Variants in ZBTB20 observed in about 807,000 individuals in gnomAD.
ZBTB20 encodes the protein zinc finger and BTB domain-containing protein 20.
A neutral mutation model predicts 56.9 loss-of-function variants in ZBTB20; 9 were observed. The observed-to-expected ratio is 0.16, with a 90% confidence interval of 0.10 to 0.28. ZBTB20 has a LOEUF of 0.28. Among genes scored for constraint, ZBTB20 ranks in the 10% least tolerant of loss-of-function variants. The pLI is 1.00. For synonymous variants in ZBTB20, 417 were observed against 420.7 expected, an observed-to-expected ratio of 0.99 and a Z score of 0.11; for missense variants, 655 against 1,003.0, an observed-to-expected ratio of 0.65 and a Z score of 4.69.
intron 4 of ZBTB20, among the ~76,000 whole-genome samples, chr3:114,876,996 C>T (rs577785993): frequency 6.6e-6 from 1 of 152,250 alleles, no homozygotes; most frequent in East Asian, 1.9e-4. Flanking sequence ...TTCATTTTTG[C>T]CCCAGAAATA....
chr3:114,852,647 T>C (rs1259532925), intron 4 of ZBTB20, among the ~76,000 whole-genome samples: 1 of 152,208 alleles, frequency 6.6e-6, no homozygotes, highest in Non-Finnish European at 1.5e-5. Context: ...CTTGTATAAT[T>C]CTTCTTGTGG....
chr3:114,580,623 T>C (rs2054549199), intron 6 of ZBTB20, among the ~76,000 whole-genome samples: 1 of 151,716 alleles, frequency 6.6e-6, no homozygotes, highest in African/African-American at 2.4e-5. Context: ...TTATTCAAAG[T>C]AGTAAGAGAG....
At chr3:114,991,652 A>G (rs2078815680) in intron 2 of ZBTB20, among the ~76,000 whole-genome samples, 1 of 151,918 alleles carries the variant, frequency 6.6e-6, no homozygotes, top group South Asian at 2.1e-4. Flanking sequence ...CAAATCCTGG[A>G]TATCCTTTTT....
chr3:114,526,261 T>C (rs1449632745), intron 6 of ZBTB20, among the ~76,000 whole-genome samples: 2 of 152,142 alleles, frequency 1.3e-5, no homozygotes, highest in Non-Finnish European at 2.9e-5. Flanking sequence ...ATATAAAATT[T>C]ATAATATTTA....
chr3:114,363,176 T>A (rs1297879554), intron 10 of ZBTB20, among the ~76,000 whole-genome samples: 1 of 152,064 alleles, frequency 6.6e-6, no homozygotes, highest in Non-Finnish European at 1.5e-5. Flanking sequence ...TAACCAAGAG[T>A]AACTTATTCA....
rs527914541 is a variant in ZBTB20, at chr3:114,358,027, T to A, written c.200-6149A>T. On this transcript the variant is annotated intron_variant, in intron 10 of 11. Coordinates refer to ENST00000675478, the MANE Select transcript of ZBTB20 (RefSeq NM_001348800.3). ...GCTAACTATTATTTAGCAAACTTTG[T>A]TTTACTCAGAGTAAGTCCCTTTTGA... is the stretch of plus-strand genomic sequence containing the variant. Among the ~76,000 whole-genome samples the A allele has an allele frequency of 3.3e-5, 5 of 152,228 alleles. No homozygotes were observed. In the South Asian group the frequency reaches 1.0e-3, roughly 32 times the overall value.
At chr3:114,930,884 C>T in intron 3 of ZBTB20, 1 of 245,240 alleles carries the variant, frequency 4.1e-6, no homozygotes, top group Non-Finnish European at 8.6e-6. Context: ...GTTACAGGCC[C>T]CTGTAGAGTC....
At chr3:114,908,154 T>C (rs1031630829) in intron 3 of ZBTB20, among the ~76,000 whole-genome samples, 2 of 151,896 alleles carry the variant, frequency 1.3e-5, no homozygotes, top group Admixed American at 1.3e-4. Flanking sequence ...TATAAAGGTA[T>C]ACGAAAGGCA....
chr3:115,036,987 C>G (rs751007374), intron 2 of ZBTB20, among the ~76,000 whole-genome samples: 1 of 152,132 alleles, frequency 6.6e-6, no homozygotes, highest in African/African-American at 2.4e-5. Context: ...ACTGGAGCTA[C>G]ATTCAGGACA....
rs567177051 is a variant in ZBTB20 at position 114,316,661 on chromosome 3, C to A, written c.*22344G>T. ...TCTGTATATTTTAAACAGTCTGGAG[C>A]TTTAATTTATTTTTTAAAGTGCATT... On this transcript the variant is annotated 3_prime_UTR_variant, in exon 12 of 12. Coordinates refer to ENST00000675478, the MANE Select transcript of ZBTB20 (RefSeq NM_001348800.3). 2 of 424,824 alleles carry A rather than the reference C, an allele frequency of 4.7e-6. No homozygotes were observed. The highest frequency in any genetic ancestry group is 7.1e-5 in the East Asian group (1 of 14,080). The allele number at this position is 424,824 out of a possible 1,614,324, so 26.3% of individuals were successfully genotyped here.
intron 6 of ZBTB20, among the ~76,000 whole-genome samples, chr3:114,663,889 C>T (rs1160839702): frequency 6.6e-6 from 1 of 151,314 alleles, no homozygotes; most frequent in African/African-American, 2.4e-5. Context: ...ATTCATAAAG[C>T]AAGTCCTGAG....
chr3:114,558,845 G>A (rs1448418569), intron 6 of ZBTB20, among the ~76,000 whole-genome samples: 1 of 152,090 alleles, frequency 6.6e-6, no homozygotes, highest in Non-Finnish European at 1.5e-5. Flanking sequence ...TCACTGACCT[G>A]TCATAATTCA....
intron 2 of ZBTB20, among the ~76,000 whole-genome samples, chr3:115,047,582 A>G (rs2108420550): frequency 6.6e-6 from 1 of 152,284 alleles, no homozygotes; most frequent in African/African-American, 2.4e-5. Context: ...TAAACTACTG[A>G]TGTATTTTTG....
chr3:114,754,335 G>A (rs2067837241), intron 5 of ZBTB20, among the ~76,000 whole-genome samples: 1 of 152,134 alleles, frequency 6.6e-6, no homozygotes, highest in African/African-American at 2.4e-5. Context: ...ACTGATTAAT[G>A]ATGAGAGAAA....
intron 1 of ZBTB20, among the ~76,000 whole-genome samples, chr3:115,090,299 T>A (rs2083139283): frequency 6.6e-6 from 1 of 151,848 alleles, no homozygotes; most frequent in Non-Finnish European, 1.5e-5. Flanking sequence ...GAATATCTTA[T>A]GTAAACTAAA....
chr3:114,635,554 A>G (rs1197416684), intron 6 of ZBTB20, among the ~76,000 whole-genome samples: 2 of 152,148 alleles, frequency 1.3e-5, no homozygotes, highest in Non-Finnish European at 2.9e-5. Flanking sequence ...AAATAAAATT[A>G]GGAAAAAGAT....
intron 8 of ZBTB20, among the ~76,000 whole-genome samples, chr3:114,386,363 T>C (rs2085126853): frequency 6.6e-6 from 1 of 152,088 alleles, no homozygotes; most frequent in Non-Finnish European, 1.5e-5. Flanking sequence ...CTGGCAAAAA[T>C]AGATGGCACA....
At chr3:114,433,243 T>A (rs2090252615) in intron 7 of ZBTB20, among the ~76,000 whole-genome samples, 1 of 152,174 alleles carries the variant, frequency 6.6e-6, no homozygotes, top group South Asian at 2.1e-4. Flanking sequence ...CCACTTGGAA[T>A]GAAATCCCAG....
At position 114,848,067 on chromosome 3, in the gene ZBTB20, T is replaced by C. The variant is rs369237844; in HGVS notation, c.-416-46893A>G. ...GAACATAAGAAAAACAATTAGCTGA[T>C]GCACTCTGCAAAGCCTGTAATATTA... is the stretch of plus-strand genomic sequence containing the variant. On this transcript the variant is annotated intron_variant, in intron 4 of 11. Coordinates refer to ENST00000675478, the MANE Select transcript of ZBTB20 (RefSeq NM_001348800.3). 5.3e-5 allele frequency among the ~76,000 whole-genome samples: 8 copies of C among 152,140 alleles called. No homozygotes were observed. In the East Asian group the frequency reaches 9.6e-4, roughly 18 times the overall value.
Sources: gnomAD v4.1 joint callset for allele counts (sites outside exome capture counted in the v4.1 genomes callset) on GRCh38, gnomAD v4.1.1 for gene constraint, MANE v1.5 for transcripts, NCBI Gene and HGNC (gene_info 2026-07-23, HGNC 2026-07-21) for gene names.